Variants in PDE1A observed in about 807,000 individuals in gnomAD.
The protein encoded by PDE1A is dual specificity calcium/calmodulin-dependent 3',5'-cyclic nucleotide phosphodiesterase 1A.
In PDE1A, 35 loss-of-function variants were observed where a neutral mutation model predicts 61.7. The observed-to-expected ratio is 0.57, with a 90% confidence interval of 0.43 to 0.75. The LOEUF (loss-of-function observed/expected upper bound fraction) is 0.75, where lower values mean the gene tolerates loss of function less well. PDE1A is among the 30% of genes least tolerant of loss of function. The pLI, the probability that PDE1A is intolerant of heterozygous loss-of-function variation, is 0.00. For missense variants in PDE1A, 597 were observed against 630.6 expected, an observed-to-expected ratio of 0.95 and a Z score of 0.57; for synonymous variants, 232 against 213.2, an observed-to-expected ratio of 1.09 and a Z score of -0.77.
rs76050870 is a variant in PDE1A at position 182,248,862 on chromosome 2, A to T, written c.168-8570T>A. Among the ~76,000 whole-genome samples, 732 of 152,326 alleles carry T rather than the reference A, an allele frequency of 4.8e-3. 3 individuals are homozygous for T. Among genetic ancestry groups the T allele is most frequent in the Non-Finnish European group, 6.9e-3 (468 of 68,034 alleles). On this transcript the variant is annotated intron_variant, in intron 2 of 13. Transcript: ENST00000351439. The stretch of plus-strand genomic sequence containing the variant: ...TCCTGCTTTACTATTCTTATAAAGG[A>T]CATGTTTCACGCAGCAACGAACTCA...
the PDE1A span, among the ~76,000 whole-genome samples, chr2:182,545,602 C>G: frequency 6.6e-5 from 10 of 152,148 alleles, no homozygotes; most frequent in Non-Finnish European, 8.8e-5. Context: ...AAGTTCCGGT[C>G]AGGTCATTCA....
At chr2:182,242,025 A>T in intron 2 of PDE1A, 1 of 1,383,548 alleles carries the variant, frequency 7.2e-7, no homozygotes, top group East Asian at 2.7e-5. Flanking sequence ...CAGTGATCAG[A>T]TACAGTGTAG....
the PDE1A span, among the ~76,000 whole-genome samples, chr2:182,542,088 A>T: frequency 6.6e-6 from 1 of 152,172 alleles, no homozygotes; most frequent in Non-Finnish European, 1.5e-5. Flanking sequence ...TATTTTAAAA[A>T]TTTTATGTGA....
the PDE1A span, among the ~76,000 whole-genome samples, chr2:182,595,522 G>A: frequency 2.0e-5 from 3 of 152,220 alleles, no homozygotes; most frequent in African/African-American, 7.2e-5. Flanking sequence ...GGTCAAGGCT[G>A]AAAATGAGAT....
the PDE1A span, among the ~76,000 whole-genome samples, chr2:182,597,950 T>C: frequency 1.3e-5 from 2 of 152,364 alleles, no homozygotes; most frequent in Admixed American, 6.5e-5. Context: ...ATGAAACTTT[T>C]CTGTTCTTTT....
chr2:182,559,334 G>T, the PDE1A span, among the ~76,000 whole-genome samples: 2 of 152,028 alleles, frequency 1.3e-5, no homozygotes, highest in Non-Finnish European at 2.9e-5. Context: ...TGTAAACTAT[G>T]GTAAGAAGCT....
downstream of PDE1A, chr2:182,167,872 G>C (rs1399876585): frequency 9.7e-7 from 1 of 1,030,912 alleles, no homozygotes; most frequent in Admixed American, 5.6e-5. Context: ...GTTTAGAAAA[G>C]GGACAATCTA....
At chr2:182,223,996 CAAG>C in intron 6 of PDE1A, 32 bp from the exon 7 acceptor site, 1 of 1,422,924 alleles carries the variant, frequency 7.0e-7, no homozygotes, top group Non-Finnish European at 9.9e-7. Context: ...CCATTATATT[CAAG>C]AAGTAGATAA....
the PDE1A span, among the ~76,000 whole-genome samples, chr2:182,549,474 T>C: frequency 6.6e-6 from 1 of 152,130 alleles, no homozygotes; most frequent in Non-Finnish European, 1.5e-5. Context: ...ATACAATGTA[T>C]AGCATACTGA....
At chr2:182,280,703 T>C (rs1272659193) in intron 1 of PDE1A, among the ~76,000 whole-genome samples, 1 of 151,958 alleles carries the variant, frequency 6.6e-6, no homozygotes, top group Non-Finnish European at 1.5e-5. Flanking sequence ...TCTAATGCCT[T>C]CTCTTTTTTT....
At chr2:182,366,362 A>G (rs564914468) in intron 1 of PDE1A, among the ~76,000 whole-genome samples, 4 of 152,092 alleles carry the variant, frequency 2.6e-5, no homozygotes, top group African/African-American at 9.6e-5. Context: ...AACTACCTTT[A>G]TGGGTGAGGT....
At chr2:182,279,697 A>T (rs907762192) in intron 1 of PDE1A, among the ~76,000 whole-genome samples, 5 of 151,952 alleles carry the variant, frequency 3.3e-5, no homozygotes, top group Non-Finnish European at 5.9e-5. Context: ...TATTTAATTT[A>T]CAAATACATA....
the PDE1A span, among the ~76,000 whole-genome samples, chr2:182,684,773 A>T: frequency 6.6e-6 from 1 of 152,182 alleles, no homozygotes; most frequent in African/African-American, 2.4e-5. Context: ...CTGGTCTCGA[A>T]TTCCTGATCT....
chr2:182,228,142 T>A (rs1211464330), intron 6 of PDE1A, among the ~76,000 whole-genome samples: 1 of 152,052 alleles, frequency 6.6e-6, no homozygotes, highest in East Asian at 1.9e-4. Flanking sequence ...TGCATCACTG[T>A]CACCATGGCA....
the PDE1A span, among the ~76,000 whole-genome samples, chr2:182,691,749 C>T: frequency 6.6e-6 from 1 of 151,958 alleles, no homozygotes; most frequent in African/African-American, 2.4e-5. Flanking sequence ...AGGCAACCTA[C>T]AGAATGGGAG....
chr2:182,301,245 T>C (rs1209065834), intron 1 of PDE1A, among the ~76,000 whole-genome samples: 1 of 152,166 alleles, frequency 6.6e-6, no homozygotes, highest in Non-Finnish European at 1.5e-5. Context: ...TGACAGAATG[T>C]TGGATTTGTT....
At chr2:182,576,470 G>A in the PDE1A span, among the ~76,000 whole-genome samples, 2 of 152,090 alleles carry the variant, frequency 1.3e-5, no homozygotes, top group Admixed American at 6.6e-5. Flanking sequence ...ATCTACCAAC[G>A]AACACTTGTG....
intron 2 of PDE1A, among the ~76,000 whole-genome samples, chr2:182,503,007 C>T (rs906224975): frequency 6.7e-6 from 1 of 149,838 alleles, no homozygotes; most frequent in Non-Finnish European, 1.5e-5. Flanking sequence ...TTCTCTCTTT[C>T]TCTCTCTCTC....
chr2:182,235,508 C>T (rs1038936235), intron 3 of PDE1A, among the ~76,000 whole-genome samples: 2 of 152,104 alleles, frequency 1.3e-5, no homozygotes, highest in South Asian at 4.1e-4. Flanking sequence ...ACCCAAATAG[C>T]ATAAACCAAA....
Sources: gnomAD v4.1 joint callset for allele counts (sites outside exome capture counted in the v4.1 genomes callset) on GRCh38, gnomAD v4.1.1 for gene constraint, MANE v1.5 for transcripts, NCBI Gene and HGNC (gene_info 2026-07-23, HGNC 2026-07-21) for gene names.